Variants in RPA1 observed in about 807,000 individuals in gnomAD.
RPA1 encodes replication protein A 70 kDa DNA-binding subunit.
A neutral mutation model predicts 83.0 loss-of-function variants in RPA1; 49 were observed. That is an observed-to-expected ratio of 0.59 (90% CI 0.47 to 0.75). The LOEUF (loss-of-function observed/expected upper bound fraction) is 0.75, where lower values mean the gene tolerates loss of function less well. RPA1 is among the 30% of genes least tolerant of loss of function. RPA1 has a pLI of 0.00. For missense variants in RPA1, 693 were observed against 776.1 expected, an observed-to-expected ratio of 0.89 and a Z score of 1.27; for synonymous variants, 279 against 281.8, an observed-to-expected ratio of 0.99 and a Z score of 0.10.
Position 1,895,299 on chromosome 17 carries a change from G to T in RPA1, c.1746+204G>T, listed in dbSNP as rs76957189. 5.6e-3 allele frequency among the ~76,000 whole-genome samples: 831 copies of T among 148,144 alleles called. 17 individuals carry two copies. The highest frequency in any genetic ancestry group is 0.036 in the East Asian group (185 of 5,164). ...TTAAGTGTCTTGTCGAAACAATGGC[G>T]GGGGGGTGGGGAATACAATATGGAT... is the stretch of plus-strand genomic sequence containing the variant. On this transcript the variant is annotated intron_variant, in intron 16 of 16. Transcript: ENST00000254719.
chr17:1,830,187 G>C, intron 1 of RPA1, 61 bp downstream of exon 1: 1 of 1,188,320 alleles, frequency 8.4e-7, no homozygotes, highest in Non-Finnish European at 1.1e-6. Context: ...GAGCCTCGCG[G>C]AGTAGAGAGG....
intron 13 of RPA1, among the ~76,000 whole-genome samples, chr17:1,886,003 C>T (rs1913976369): frequency 6.6e-6 from 1 of 151,902 alleles, no homozygotes; most frequent in Non-Finnish European, 1.5e-5. Context: ...TATTAATCTC[C>T]TTGTACTGTG....
intron 4 of RPA1, among the ~76,000 whole-genome samples, chr17:1,849,223 G>A (rs1442522865): frequency 6.6e-6 from 1 of 151,132 alleles, no homozygotes; most frequent in East Asian, 1.9e-4. Context: ...CTTCTCTGTA[G>A]ACTATTTAGT....
intron 1 of RPA1, among the ~76,000 whole-genome samples, chr17:1,842,070 G>A (rs1170760951): frequency 6.6e-6 from 1 of 151,996 alleles, no homozygotes; most frequent in African/African-American, 2.4e-5. Context: ...TGCTTAGGCT[G>A]GTCTTGAACT....
In RPA1 at chr17:1,875,759, G is replaced by A; in HGVS notation, c.553G>A (p.Val185Met). Residue 185 changes from valine (V) to methionine (M), a missense_variant, in exon 7 of 17, where the codon GTG becomes ATG. Transcript: ENST00000254719. ...HTSGGTQSKV[V>M]PIASLTPYQS... Reference sequence around the variant, plus strand: ...TTCTGGGGGAACACAGTCCAAAGTGGTGCCCATTGCCAGCCTCACTCCTTA... The same window carrying A: ...TTCTGGGGGAACACAGTCCAAAGTGATGCCCATTGCCAGCCTCACTCCTTA... 1 of 1,614,112 alleles carries A rather than the reference G, an allele frequency of 6.2e-7. No homozygotes were observed. The highest frequency in any genetic ancestry group is 8.5e-7 in the Non-Finnish European group (1 of 1,180,018).
rs756898907 is a variant in RPA1, at chr17:1,880,621, C to T, written c.1171C>T (p.Leu391Phe). 6.2e-7 allele frequency: 1 copy of T among 1,614,038 alleles called. No homozygotes were observed. Among genetic ancestry groups the T allele is most frequent in the Admixed American group, 1.7e-5 (1 of 60,002 alleles). ...AGTCTCTGATTTCGGTGGACGGAGCCTCTCCGTGCTGTCTTCAAGCACTAT... is the reference window on the plus strand; with the variant it reads ...AGTCTCTGATTTCGGTGGACGGAGCTTCTCCGTGCTGTCTTCAAGCACTAT... ...ARVSDFGGRS[L>F]SVLSSSTIIA... Residue 391 changes from leucine to phenylalanine, a missense_variant, in exon 12 of 17, where the codon CTC (leucine) becomes TTC (phenylalanine). Coordinates refer to ENST00000254719, the MANE Select transcript of RPA1 (RefSeq NM_002945.5).
intron 5 of RPA1, among the ~76,000 whole-genome samples, chr17:1,860,252 C>T (rs552970834): frequency 2.1e-4 from 32 of 152,012 alleles, no homozygotes; most frequent in African/African-American, 7.2e-4. Context: ...GGTGGAGTGC[C>T]GGGCCTGCCT....
chr17:1,844,093 A>C, intron 3 of RPA1, 95 bp downstream of exon 3: 2 of 1,026,480 alleles, frequency 1.9e-6, no homozygotes, highest in South Asian at 1.4e-5. Flanking sequence ...GCATTCGTGA[A>C]GTCCGTACTT....
intron 13 of RPA1, among the ~76,000 whole-genome samples, chr17:1,885,968 CGGGTG>C (rs1364777822): frequency 5.3e-5 from 8 of 151,216 alleles, no homozygotes; most frequent in Non-Finnish European, 1.0e-4. Context: ...ATTGAGCCCT[CGGGTG>C]AACAGGTGCA....
intron 4 of RPA1, 70 bp from the exon 5 acceptor site, chr17:1,853,031 C>A: frequency 8.6e-7 from 1 of 1,157,362 alleles, no homozygotes; most frequent in Non-Finnish European, 1.3e-6. Flanking sequence ...TCGGGGAAAG[C>A]ATTTTGAGTA....
rs561509222 is a variant in RPA1, at chr17:1,884,414, C to T, written c.1374+470C>T. ...GTGTATTAACCTCATAGGCTGAGAG[C>T]TGCCGGCATTCCCGGACAAGGATTG... On this transcript the variant is annotated intron_variant, in intron 13 of 16. Coordinates refer to ENST00000254719, the MANE Select transcript of RPA1 (RefSeq NM_002945.5). This position sits in a 1 kb window ranked among gnomAD's most constrained non-coding sequence, Gnocchi z 4.1. Among the ~76,000 whole-genome samples the T allele has an allele frequency of 1.3e-5, 2 of 152,306 alleles. No homozygotes were observed. Among genetic ancestry groups the T allele is most frequent in the Non-Finnish European group, 2.9e-5 (2 of 68,030 alleles).
intron 5 of RPA1, among the ~76,000 whole-genome samples, chr17:1,868,481 A>G (rs1455823276): frequency 6.6e-6 from 1 of 152,136 alleles, no homozygotes; most frequent in African/African-American, 2.4e-5. Context: ...GTGCGTTGAA[A>G]TTGTCTTGGC....
chr17:1,830,443 C>A lies in RPA1; in HGVS notation c.33+317C>A, dbSNP rs562748431. 5.6e-5 allele frequency: 17 copies of A among 305,058 alleles called. No homozygotes were observed. In the East Asian group the frequency reaches 8.5e-4, roughly 15 times the overall value. The allele number at this position is 305,058 out of a possible 1,614,324, so 18.9% of individuals were successfully genotyped here. On this transcript the variant is annotated intron_variant, in intron 1 of 16. Coordinates refer to ENST00000254719, the MANE Select transcript of RPA1 (RefSeq NM_002945.5). ...CCTTTCCCCACCCACAGCCAAACTT[C>A]TTGTCTGGTTTCAGCCACTTCCTTT...
chr17:1,888,227 C>T (rs1315483695), intron 13 of RPA1, among the ~76,000 whole-genome samples: 2 of 152,240 alleles, frequency 1.3e-5, no homozygotes, highest in East Asian at 3.9e-4. Flanking sequence ...ACACGACTGC[C>T]GTGTTTTGAG....
chr17:1,847,208 C>T (rs753085521), intron 4 of RPA1, among the ~76,000 whole-genome samples: 4 of 152,154 alleles, frequency 2.6e-5, no homozygotes, highest in Admixed American at 6.5e-5. Flanking sequence ...CAGTCCTGTC[C>T]AGACTTGGTA....
At chr17:1,858,771 G>T (rs942491726) in intron 5 of RPA1, among the ~76,000 whole-genome samples, 15 of 151,428 alleles carry the variant, frequency 9.9e-5, no homozygotes, top group African/African-American at 3.6e-4. Context: ...GCCAAATGTG[G>T]GTATTTTCTA....
rs748180232 is a variant in RPA1 at position 1,883,869 on chromosome 17, C to T, written c.1299C>T (p.Gly433=). ...TTTCCATCTCTGATCTAAAGAGCGG[C>T]GGAGTCGGAGGGAGTAACACCAACT... is the stretch of plus-strand genomic sequence containing the variant. The part of the protein sequence containing the change: ...DGVSISDLKS[G]GVGGSNTNWK... Residue 433 remains glycine, a synonymous_variant, in exon 13 of 17, where the codon GGC becomes GGT. Coordinates refer to ENST00000254719, the MANE Select transcript of RPA1 (RefSeq NM_002945.5). 2.0e-5 allele frequency: 33 copies of T among 1,613,982 alleles called. No individual in the cohort carries two copies. The highest frequency in any genetic ancestry group is 1.3e-4 in the Admixed American group (8 of 59,996).
intron 5 of RPA1, chr17:1,858,425 G>T (rs191262664): frequency 6.5e-7 from 1 of 1,544,010 alleles, no homozygotes; most frequent in African/African-American, 1.4e-5. Flanking sequence ...CGACCAACGT[G>T]TCTCAGCAAC....
chr17:1,888,580 C>A (rs971516269), intron 13 of RPA1, 95 bp from the exon 14 acceptor site: 2 of 1,212,766 alleles, frequency 1.6e-6, no homozygotes, highest in African/African-American at 3.0e-5. Context: ...GAAACACTTA[C>A]CACCTAAACG....
Sources: gnomAD v4.1 joint callset for allele counts (sites outside exome capture counted in the v4.1 genomes callset) on GRCh38, gnomAD v4.1.1 for gene constraint, Gnocchi (gnomAD v3.1) non-coding constraint, MANE v1.5 for transcripts, NCBI Gene and HGNC (gene_info 2026-07-23, HGNC 2026-07-21) for gene names.